TUSC3: variants seen among roughly 807,000 people sequenced by gnomAD.
The protein encoded by TUSC3 is dolichyl-diphosphooligosaccharide--protein glycosyltransferase subunit TUSC3.
TUSC3 carries 45 observed loss-of-function variants against 44.8 expected under a neutral mutation model. The ratio of observed to expected loss-of-function variants is 1.00; its 90% CI spans 0.79 to 1.29. TUSC3 has a LOEUF of 1.29. TUSC3 is among the 50% of genes most tolerant of loss of function. The pLI is 0.00. For missense variants in TUSC3, 519 were observed against 437.9 expected, an observed-to-expected ratio of 1.19 and a Z score of -1.65; for synonymous variants, 212 against 152.9, an observed-to-expected ratio of 1.39 and a Z score of -2.85.
the TUSC3 span, among the ~76,000 whole-genome samples, chr8:15,794,329 G>C: frequency 0.014 from 2,189 of 152,104 alleles, 29 homozygotes; most frequent in East Asian, 0.082. Flanking sequence ...CTTCACCCTA[G>C]AGGGGTGACT....
At chr8:15,598,462 C>T (rs1004444032) in intron 1 of TUSC3, among the ~76,000 whole-genome samples, 4 of 151,802 alleles carry the variant, frequency 2.6e-5, no homozygotes, top group African/African-American at 4.8e-5. Flanking sequence ...TACATAGATA[C>T]ATCATAATTA....
At chr8:15,780,377 C>T in the TUSC3 span, among the ~76,000 whole-genome samples, 9 of 152,080 alleles carry the variant, frequency 5.9e-5, no homozygotes, top group Admixed American at 4.6e-4. Flanking sequence ...CTCAAAGGTT[C>T]CCCATGGTTT....
At chr8:15,651,083 G>A (rs1057387404) in intron 3 of TUSC3, 2 of 380,414 alleles carry the variant, frequency 5.3e-6, no homozygotes, top group Admixed American at 8.5e-5. Context: ...ATTTTGTGAT[G>A]TGATTAACAT....
chr8:15,758,570 C>T (rs906142997), intron 10 of TUSC3, among the ~76,000 whole-genome samples: 1 of 151,922 alleles, frequency 6.6e-6, no homozygotes, highest in African/African-American at 2.4e-5. Flanking sequence ...TGTGGTAATA[C>T]AGCCTTCTTA....
chr8:15,592,677 T>C (rs1358516478), intron 1 of TUSC3, among the ~76,000 whole-genome samples: 1 of 152,208 alleles, frequency 6.6e-6, no homozygotes, highest in East Asian at 1.9e-4. Flanking sequence ...CTTGCAGAAC[T>C]GCTAGCCAAA....
At chr8:15,714,620 A>G (rs1423448467) in intron 6 of TUSC3, among the ~76,000 whole-genome samples, 1 of 152,160 alleles carries the variant, frequency 6.6e-6, no homozygotes, top group African/African-American at 2.4e-5. Flanking sequence ...TTTCAGTACT[A>G]CATAATTTCC....
the TUSC3 span, among the ~76,000 whole-genome samples, chr8:15,849,286 A>T: frequency 6.6e-6 from 1 of 152,192 alleles, no homozygotes; most frequent in Non-Finnish European, 1.5e-5. Context: ...TAGTGATATT[A>T]TATTTATGTC....
chr8:15,686,038 C>T (rs938529389), intron 6 of TUSC3, among the ~76,000 whole-genome samples: 13 of 151,936 alleles, frequency 8.6e-5, no homozygotes, highest in East Asian at 1.9e-4. Context: ...CAGTGTGATG[C>T]GGTGCTGCTT....
chr8:15,829,380 G>A, the TUSC3 span, among the ~76,000 whole-genome samples: 1 of 152,170 alleles, frequency 6.6e-6, no homozygotes, highest in Admixed American at 6.5e-5. Context: ...GTGGCTGAAT[G>A]ACAGGGGCCA....
chr8:15,830,387 G>T, the TUSC3 span, among the ~76,000 whole-genome samples: 1 of 152,024 alleles, frequency 6.6e-6, no homozygotes, highest in Non-Finnish European at 1.5e-5. Flanking sequence ...GGATTTCCTA[G>T]GTTTTCTTCT....
At chr8:15,833,486 A>T in the TUSC3 span, among the ~76,000 whole-genome samples, 1 of 152,206 alleles carries the variant, frequency 6.6e-6, no homozygotes, top group Non-Finnish European at 1.5e-5. Flanking sequence ...AGACTGGATG[A>T]AGAAAATGTG....
chr8:15,696,850 T>C (rs968830660), intron 6 of TUSC3, among the ~76,000 whole-genome samples: 6 of 152,210 alleles, frequency 3.9e-5, no homozygotes, highest in African/African-American at 1.4e-4. Context: ...TCTTGTGGTA[T>C]AGTGTCAGTA....
At chr8:15,752,701 T>A (rs756073877) in intron 9 of TUSC3, among the ~76,000 whole-genome samples, 9 of 152,090 alleles carry the variant, frequency 5.9e-5, no homozygotes, top group Non-Finnish European at 2.9e-5. Flanking sequence ...GTGCCATGTT[T>A]TGTGTAGAAA....
intron 10 of TUSC3, among the ~76,000 whole-genome samples, chr8:15,761,191 T>C (rs577746042): frequency 3.9e-5 from 6 of 152,326 alleles, no homozygotes; most frequent in South Asian, 4.1e-4. Flanking sequence ...ATAAACTTGC[T>C]AATAAACCTA....
intron 1 of TUSC3, among the ~76,000 whole-genome samples, chr8:15,609,547 G>T (rs1441568733): frequency 2.6e-5 from 4 of 152,016 alleles, no homozygotes; most frequent in African/African-American, 9.7e-5. Flanking sequence ...AAGAAAAATG[G>T]TGACAGAAGC....
At position 15,540,559 on chromosome 8, in the gene TUSC3, GA is replaced by G; in HGVS notation, c.134del (p.Lys45ArgfsTer5). 1.3e-6 allele frequency: 2 copies of G among 1,587,934 alleles called. No homozygotes were observed. The highest frequency in any genetic ancestry group is 8.6e-7 in the Non-Finnish European group (1 of 1,167,902). ...LCIQLGGGQK[K>X]KENLLAEKVE... ...GCATCCAGCTCGGGGGAGGACAGAA[GA>G]AAAAGGAGGTAGAATGGATCCCCTT... On this transcript the variant is annotated frameshift_variant, in exon 1 of 11. Transcript: ENST00000503731. LOFTEE classifies it high-confidence loss of function.
chr8:15,759,234 A>G (rs1812067342), intron 10 of TUSC3, among the ~76,000 whole-genome samples: 1 of 152,084 alleles, frequency 6.6e-6, no homozygotes, highest in Non-Finnish European at 1.5e-5. Flanking sequence ...ACCAAATGAA[A>G]TCTGAGCAGC....
At chr8:15,696,046 A>T (rs1809145936) in intron 6 of TUSC3, among the ~76,000 whole-genome samples, 2 of 152,216 alleles carry the variant, frequency 1.3e-5, no homozygotes, top group South Asian at 4.1e-4. Flanking sequence ...CAGCTGTGGA[A>T]ATTTGCATAA....
chr8:15,583,142 T>C (rs922733905), intron 1 of TUSC3, among the ~76,000 whole-genome samples: 1 of 152,216 alleles, frequency 6.6e-6, no homozygotes, highest in Non-Finnish European at 1.5e-5. Context: ...AGAACTGTTC[T>C]AAACAAATCT....
Sources: gnomAD v4.1 joint callset for allele counts (sites outside exome capture counted in the v4.1 genomes callset) on GRCh38, gnomAD v4.1.1 for gene constraint, MANE v1.5 for transcripts, NCBI Gene and HGNC (gene_info 2026-07-23, HGNC 2026-07-21) for gene names.